Variants in CCSER1 observed in about 807,000 individuals in gnomAD.
The protein encoded by CCSER1 is coiled-coil serine rich protein 1.
In CCSER1, 41 loss-of-function variants were observed where a neutral mutation model predicts 82.0. The ratio of observed to expected loss-of-function variants is 0.50; its 90% CI spans 0.39 to 0.65. CCSER1 has a LOEUF of 0.65. CCSER1 is among the 30% of genes least tolerant of loss of function. The probability of loss-of-function intolerance (pLI) is 0.00; values close to 1 mark genes in which losing one functional copy is unlikely to be tolerated. For missense variants in CCSER1, 1,119 were observed against 1,064.2 expected (o/e 1.05, Z -0.72); for synonymous variants, 414 against 383.9 (o/e 1.08, Z -0.92).
chr4:91,069,889 A>G (rs2148763772), intron 9 of CCSER1, among the ~76,000 whole-genome samples: 1 of 152,262 alleles, frequency 6.6e-6, no homozygotes, highest in East Asian at 1.9e-4. Flanking sequence ...TGCCATTTAG[A>G]ATTTATTGTA....
intron 10 of CCSER1, among the ~76,000 whole-genome samples, chr4:91,592,312 A>AG (rs1331679789): frequency 6.6e-6 from 1 of 152,152 alleles, no homozygotes; most frequent in Non-Finnish European, 1.5e-5. Context: ...TGAGAATAGC[A>AG]GCATGGGGGT....
At chr4:90,646,804 T>G (rs1727687966) in intron 6 of CCSER1, among the ~76,000 whole-genome samples, 1 of 152,168 alleles carries the variant, frequency 6.6e-6, no homozygotes, top group Admixed American at 6.5e-5. Context: ...CCCTATGATA[T>G]TCTATATCTT....
chr4:91,553,711 A>C (rs1762269365), intron 10 of CCSER1, among the ~76,000 whole-genome samples: 1 of 150,980 alleles, frequency 6.6e-6, no homozygotes. Flanking sequence ...GTTGTTGCTC[A>C]ATTACTTATA....
chr4:91,416,605 A>C (rs1050102922), intron 10 of CCSER1, among the ~76,000 whole-genome samples: 15 of 152,226 alleles, frequency 9.9e-5, no homozygotes, highest in African/African-American at 3.6e-4. Context: ...CAATGGGGAA[A>C]GGATTCCCTA....
chr4:90,394,107 T>C (rs1751621974), intron 3 of CCSER1, among the ~76,000 whole-genome samples: 1 of 151,674 alleles, frequency 6.6e-6, no homozygotes. Context: ...TTTTTTTTTT[T>C]TTTTTCAATT....
chr4:90,703,557 A>G (rs1224908145), intron 6 of CCSER1, among the ~76,000 whole-genome samples: 3 of 152,088 alleles, frequency 2.0e-5, no homozygotes, highest in South Asian at 2.1e-4. Context: ...TGATCTGTCT[A>G]ATGTTGACAG....
chr4:90,999,814 T>G (rs985754416), intron 9 of CCSER1, among the ~76,000 whole-genome samples: 2 of 151,832 alleles, frequency 1.3e-5, no homozygotes, highest in African/African-American at 4.8e-5. Context: ...TGTTTTGTTT[T>G]GTTTTTTGAG....
chr4:90,485,148 C>G (rs1766800436), intron 5 of CCSER1, among the ~76,000 whole-genome samples: 1 of 152,226 alleles, frequency 6.6e-6, no homozygotes, highest in Non-Finnish European at 1.5e-5. Flanking sequence ...ATGAGCGAGG[C>G]TCTGTGGGCG....
chr4:90,366,105 A>G (rs527754192), intron 3 of CCSER1, among the ~76,000 whole-genome samples: 23 of 152,060 alleles, frequency 1.5e-4, no homozygotes, highest in African/African-American at 5.5e-4. Context: ...TTCAGTATTC[A>G]TAGCCATGGT....
intron 5 of CCSER1, among the ~76,000 whole-genome samples, chr4:90,504,115 C>A (rs1353019839): frequency 3.3e-5 from 5 of 151,994 alleles, no homozygotes; most frequent in Non-Finnish European, 7.4e-5. Flanking sequence ...TATTTTAAGA[C>A]CCACTTTTAA....
intron 3 of CCSER1, among the ~76,000 whole-genome samples, chr4:90,379,624 G>A (rs925795483): frequency 6.6e-6 from 1 of 152,104 alleles, no homozygotes; most frequent in African/African-American, 2.4e-5. Context: ...GGCAGGATTG[G>A]TGATGATAGA....
chr4:91,472,352 A>G (rs1757325516), intron 10 of CCSER1, among the ~76,000 whole-genome samples: 2 of 152,180 alleles, frequency 1.3e-5, no homozygotes, highest in African/African-American at 4.8e-5. Context: ...AATAAAAGGA[A>G]CTCAAGAGTC....
At chr4:91,167,941 C>T (rs1185933464) in intron 10 of CCSER1, among the ~76,000 whole-genome samples, 2 of 151,156 alleles carry the variant, frequency 1.3e-5, no homozygotes, top group Non-Finnish European at 2.9e-5. Context: ...AGCACCTCTG[C>T]CCGGCCACCA....
chr4:91,448,246 T>C (rs1395358856), intron 10 of CCSER1, among the ~76,000 whole-genome samples: 1 of 152,108 alleles, frequency 6.6e-6, no homozygotes, highest in African/African-American at 2.4e-5. Flanking sequence ...ATTTCTCTGT[T>C]CTTGCTTTTC....
chr4:90,978,257 A>G (rs1735788975), intron 9 of CCSER1, among the ~76,000 whole-genome samples: 1 of 151,636 alleles, frequency 6.6e-6, no homozygotes, highest in African/African-American at 2.4e-5. Context: ...GTGTTCCTCA[A>G]TGGTAAAAAG....
chr4:90,692,230 G>A lies in CCSER1; in HGVS notation c.1933-31684G>A, dbSNP rs375283920. On this transcript the variant is annotated intron_variant, in intron 6 of 10. Transcript: ENST00000509176. ...CTTTTATTTATAGACAGTTTGTCCCGTTCAATAGCTGGTCTGTGTTATGTG... is the reference window on the plus strand; with the variant it reads ...CTTTTATTTATAGACAGTTTGTCCCATTCAATAGCTGGTCTGTGTTATGTG... 3.2e-4 allele frequency among the ~76,000 whole-genome samples: 49 copies of A among 151,580 alleles called. No homozygotes were observed. The South Asian group carries it at 7.5e-3, about 23-fold the overall frequency.
At chr4:90,467,370 C>T (rs1042690508) in intron 4 of CCSER1, among the ~76,000 whole-genome samples, 34 of 151,080 alleles carry the variant, frequency 2.3e-4, no homozygotes, top group African/African-American at 7.1e-4. Context: ...GGTGACAGAG[C>T]GAGACTCCTT....
chr4:91,469,349 T>C (rs753745742), intron 10 of CCSER1, among the ~76,000 whole-genome samples: 1 of 152,202 alleles, frequency 6.6e-6, no homozygotes, highest in Middle Eastern at 3.2e-3. Context: ...AAGTTCTGAC[T>C]CTAAGAAAAG....
At chr4:91,446,175 G>A (rs925936175) in intron 10 of CCSER1, among the ~76,000 whole-genome samples, 31 of 145,612 alleles carry the variant, frequency 2.1e-4, no homozygotes, top group African/African-American at 8.0e-4. Context: ...TGTTTTTGAG[G>A]GAAAGTATAA....
Sources: gnomAD v4.1 joint callset for allele counts (sites outside exome capture counted in the v4.1 genomes callset) on GRCh38, gnomAD v4.1.1 for gene constraint, MANE v1.5 for transcripts, NCBI Gene and HGNC (gene_info 2026-07-23, HGNC 2026-07-21) for gene names.